The following BABAM2 variants were observed in gnomAD, a reference collection of about 807,000 sequenced individuals.
BABAM2 encodes BRISC and BRCA1-A complex member 2.
Under a neutral mutation model 54.7 loss-of-function variants are expected in BABAM2, and 31 were observed. The observed-to-expected ratio is 0.57, with a 90% CI of 0.43 to 0.77. The LOEUF (loss-of-function observed/expected upper bound fraction) is 0.77. Ranked by LOEUF, BABAM2 falls within the 30% of genes least tolerant of loss-of-function variation. BABAM2 has a pLI of 0.00. For synonymous variants in BABAM2, 167 were observed against 162.9 expected (o/e 1.03, Z -0.19); for missense variants, 364 against 455.8 (o/e 0.80, Z 1.83).
chr2:27,957,266 CT>C (rs1382988101), intron 3 of BABAM2, among the ~76,000 whole-genome samples: 6 of 152,148 alleles, frequency 3.9e-5, no homozygotes, highest in Non-Finnish European at 7.4e-5. Context: ...TTTCAAAGTA[CT>C]TTAATTCATT....
intron 7 of BABAM2, among the ~76,000 whole-genome samples, chr2:28,224,994 A>G (rs1343712332): frequency 6.6e-6 from 1 of 152,080 alleles, no homozygotes; most frequent in Non-Finnish European, 1.5e-5. Context: ...CAAAAAAAGG[A>G]GAGTGGATAG....
chr2:28,294,480 C>CA (rs1256246660), intron 10 of BABAM2, among the ~76,000 whole-genome samples: 15 of 152,116 alleles, frequency 9.9e-5, no homozygotes, highest in African/African-American at 3.6e-4. Flanking sequence ...GCGGTTCCTT[C>CA]AGAGCAAGTT....
chr2:28,077,124 C>T (rs149519839), intron 6 of BABAM2, among the ~76,000 whole-genome samples: 2 of 152,092 alleles, frequency 1.3e-5, no homozygotes, highest in Non-Finnish European at 2.9e-5. Flanking sequence ...AGAGCTTTGC[C>T]TACTTTCTAA....
At chr2:28,303,231 C>A (rs1288707356) in intron 11 of BABAM2, among the ~76,000 whole-genome samples, 1 of 152,012 alleles carries the variant, frequency 6.6e-6, no homozygotes, top group South Asian at 2.1e-4. Flanking sequence ...CTGTTTTTTA[C>A]GTTAATGCTC....
chr2:28,247,306 C>T (rs756213109), intron 10 of BABAM2, among the ~76,000 whole-genome samples: 1 of 152,212 alleles, frequency 6.6e-6, no homozygotes, highest in African/African-American at 2.4e-5. Context: ...AACTCACAGC[C>T]TGTCTTTAAA....
At chr2:28,230,814 A>AT (rs540818061) in intron 7 of BABAM2, among the ~76,000 whole-genome samples, 80 of 151,034 alleles carry the variant, frequency 5.3e-4, no homozygotes, top group Admixed American at 8.6e-4. Flanking sequence ...ACTATGAATG[A>AT]TTTTTTTTTA....
chr2:28,283,015 A>AAG (rs1295492649), intron 10 of BABAM2, among the ~76,000 whole-genome samples: 1 of 76,230 alleles, frequency 1.3e-5, no homozygotes, highest in Non-Finnish European at 3.4e-5. Flanking sequence ...AAAAAAAAAA[A>AAG]AAAGGAATGA....
chr2:28,085,675 G>A (rs1558321425), intron 6 of BABAM2, among the ~76,000 whole-genome samples: 1 of 152,096 alleles, frequency 6.6e-6, no homozygotes, highest in African/African-American at 2.4e-5. Context: ...TTTCTCGTGT[G>A]TCATGCAATT....
Position 27,908,567 on chromosome 2 carries a change from C to T in BABAM2, c.128+13883C>T, listed in dbSNP as rs148594271. Among the ~76,000 whole-genome samples, 972 of 152,240 alleles carry T rather than the reference C, an allele frequency of 6.4e-3. 7 individuals carry two copies. Among genetic ancestry groups the T allele is most frequent in the Non-Finnish European group, 7.9e-3 (536 of 68,000 alleles). On this transcript the variant is annotated intron_variant, in intron 2 of 11. Coordinates refer to ENST00000379624, the MANE Select transcript of BABAM2 (RefSeq NM_199191.3). ...GATTACAGGCGTGAGCCTCTGTGCT[C>T]GGCCCCAGTAGGTAGTTTTTCAACC...
intron 6 of BABAM2, among the ~76,000 whole-genome samples, chr2:28,111,261 A>G (rs1667998896): frequency 6.6e-6 from 1 of 151,652 alleles, no homozygotes; most frequent in Admixed American, 6.6e-5. Context: ...GATTACAGGT[A>G]TGAGCCATCA....
At chr2:28,112,695 T>C (rs1668241629) in intron 6 of BABAM2, among the ~76,000 whole-genome samples, 1 of 152,240 alleles carries the variant, frequency 6.6e-6, no homozygotes, top group African/African-American at 2.4e-5. Flanking sequence ...TATAGTAAAA[T>C]GATTTATAAT....
chr2:28,313,848 C>A (rs1689283734), intron 11 of BABAM2, among the ~76,000 whole-genome samples: 2 of 152,198 alleles, frequency 1.3e-5, no homozygotes, highest in South Asian at 4.1e-4. Context: ...TGGTCCATCG[C>A]TGCTTGAGAT....
chr2:28,243,996 C>A (rs1039691113), intron 9 of BABAM2, among the ~76,000 whole-genome samples: 3 of 152,128 alleles, frequency 2.0e-5, no homozygotes, highest in African/African-American at 7.2e-5. Flanking sequence ...TTAGTATTGT[C>A]ACATTATGGC....
chr2:28,093,247 AGGTTGTTTTGTTTTCTGTTTTG>A (rs1265160199), intron 6 of BABAM2, among the ~76,000 whole-genome samples: 1 of 152,006 alleles, frequency 6.6e-6, no homozygotes, highest in East Asian at 1.9e-4. Flanking sequence ...TTTTGGTTTT[AGGTTGTTTTGTTTTCTGTTTTG>A]GGTTGTTTTG....
upstream of BABAM2, chr2:27,890,096 G>T (rs1292980337): frequency 1.6e-6 from 1 of 607,824 alleles, no homozygotes; most frequent in Non-Finnish European, 2.9e-6. This position sits in a 1 kb window ranked among gnomAD's most constrained non-coding sequence, Gnocchi z 4.8. Flanking sequence ...GTTCTTTCAT[G>T]CCAGGAAGGT....
chr2:28,105,067 A>T (rs1467155059), intron 6 of BABAM2, among the ~76,000 whole-genome samples: 1 of 152,068 alleles, frequency 6.6e-6, no homozygotes, highest in Non-Finnish European at 1.5e-5. Context: ...GAGGGATAGC[A>T]TTAGGGGATA....
chr2:27,948,051 TC>T (rs1177854971), intron 3 of BABAM2, among the ~76,000 whole-genome samples: 1 of 152,122 alleles, frequency 6.6e-6, no homozygotes, highest in African/African-American at 2.4e-5. Context: ...TCCTTTTTTT[TC>T]CAAAATGGTT....
intron 10 of BABAM2, among the ~76,000 whole-genome samples, chr2:28,278,133 G>C (rs563934806): frequency 6.6e-6 from 1 of 152,288 alleles, no homozygotes; most frequent in African/African-American, 2.4e-5. Flanking sequence ...AGATGAGACA[G>C]GAAAGAAATG....
chr2:28,005,848 G>T (rs1243782794), intron 4 of BABAM2, among the ~76,000 whole-genome samples: 2 of 152,038 alleles, frequency 1.3e-5, no homozygotes, highest in Non-Finnish European at 2.9e-5. Flanking sequence ...CTGCCTAGTA[G>T]CATTGTAGTT....
Sources: allele counts gnomAD v4.1 joint callset (sites outside exome capture counted in the v4.1 genomes callset), GRCh38; gene constraint gnomAD v4.1.1; non-coding constraint Gnocchi (gnomAD v3.1); transcripts MANE v1.5; gene names NCBI Gene and HGNC (gene_info 2026-07-23, HGNC 2026-07-21).